The following PPL variants were observed in gnomAD, a reference collection of about 807,000 sequenced individuals.
PPL encodes 190 kDa paraneoplastic pemphigus antigen.
In PPL, 198 loss-of-function variants were observed where a neutral mutation model predicts 194.4. The observed-to-expected ratio is 1.02, with a 90% CI of 0.91 to 1.15. The LOEUF (loss-of-function observed/expected upper bound fraction) is 1.15. PPL is among the 50% of genes most tolerant of loss of function. The pLI is 0.00. For missense variants in PPL, 2,885 were observed against 2,294.8 expected (o/e 1.26, Z -5.25); for synonymous variants, 1,220 against 972.4 (o/e 1.25, Z -4.74).
At chr16:4,893,066 G>A in intron 14 of PPL, 147 bp downstream of exon 14, 1 of 1,071,392 alleles carries the variant, frequency 9.3e-7, no homozygotes, top group Non-Finnish European at 1.3e-6. Flanking sequence ...CCATGACTTG[G>A]GACCCTTTTA....
intron 6 of PPL, 144 bp from the exon 7 acceptor site, chr16:4,899,528 C>CCCAGCTTAT (rs1192779848): frequency 3.2e-3 from 35 of 10,868 alleles, no homozygotes; most frequent in Non-Finnish European, 9.2e-3. Context: ...CCCAGCTTAG[C>CCCAGCTTAT]CACGTCCAGG....
chr16:4,894,200 G>A lies in PPL; in HGVS notation c.1394+267C>T, dbSNP rs1386047135. ...GGTCTGCAAGTACAGGGAGCAGTGC[G>A]TGCGGGAGTCAGGGGCCCTTAGAAA... On this transcript the variant is annotated intron_variant, in intron 12 of 21. Transcript: ENST00000345988. Among the ~76,000 whole-genome samples the A allele has an allele frequency of 5.3e-5, 8 of 152,322 alleles. No homozygotes were observed. In the East Asian group the frequency reaches 1.2e-3, roughly 22 times the overall value.
intron 1 of PPL, among the ~76,000 whole-genome samples, chr16:4,920,113 G>A (rs574997756): frequency 5.2e-4 from 79 of 151,294 alleles, no homozygotes; most frequent in African/African-American, 1.5e-3. Flanking sequence ...GTGAAACTCC[G>A]TCTCTACTAA....
intron 2 of PPL, 111 bp downstream of exon 2, chr16:4,910,739 C>G: frequency 1.0e-6 from 1 of 960,628 alleles, no homozygotes; most frequent in Non-Finnish European, 1.7e-6. Context: ...CATGTTCCCT[C>G]GGGGCCACAA....
chr16:4,888,998 G>C lies in PPL; in HGVS notation c.2377C>G (p.Gln793Glu). ...EVQKICANSQ[Q>E]YQQAVKDYEL... is the part of the protein sequence containing the mutation. Reference sequence around the variant, plus strand: ...CTCACCTTTACAGCTTGCTGGTACTGCTGGGAATTGGCACAGATCTTCTGT... The same window carrying C: ...CTCACCTTTACAGCTTGCTGGTACTCCTGGGAATTGGCACAGATCTTCTGT... The change falls in exon 19 of 22, where the codon CAG (glutamine) becomes GAG (glutamate). Residue 793 changes from glutamine to glutamate, a missense_variant. By Grantham distance (29) the Gln-to-Glu change is conservative (BLOSUM62 2). Transcript: ENST00000345988. 1.2e-6 allele frequency: 2 copies of C among 1,613,462 alleles called. No homozygotes were observed. The highest frequency in any genetic ancestry group is 2.2e-5 in the South Asian group (2 of 91,046).
At position 4,899,246 on chromosome 16, in the gene PPL, G is replaced by C. The variant is rs201966791; in HGVS notation, c.745C>G (p.Pro249Ala). 11 of 1,613,810 alleles carry C rather than the reference G, an allele frequency of 6.8e-6. No homozygotes were observed. The highest frequency in any genetic ancestry group is 1.3e-5 in the African/African-American group (1 of 74,932). The change falls in exon 7 of 22, where the codon CCC (proline) becomes GCC (alanine). Residue 249 changes from proline to alanine, a missense_variant. By Grantham distance (27) the Pro-to-Ala change is conservative. Transcript: ENST00000345988. The stretch of plus-strand genomic sequence containing the variant: ...ACCTCATACTGGCGCCGGCGGCTGG[G>C]GTAGTCGAGGTTGCGGTCACTCCAG... ...YDWSDRNLDY[P>A]SRRRQYENFI...
intron 12 of PPL, among the ~76,000 whole-genome samples, chr16:4,894,255 C>G (rs77997837): frequency 6.6e-6 from 1 of 152,052 alleles, no homozygotes; most frequent in African/African-American, 2.4e-5. Flanking sequence ...GGGGCCAGGA[C>G]GAAGCCCAGA....
chr16:4,936,163 A>G (rs565190709), intron 1 of PPL, among the ~76,000 whole-genome samples: 21 of 152,146 alleles, frequency 1.4e-4, no homozygotes, highest in African/African-American at 5.1e-4. Context: ...TTCCCCTCCC[A>G]GGCCGCCCTG....
At position 4,917,503 on chromosome 16, in the gene PPL, G is replaced by A. The variant is rs1000210729; in HGVS notation, c.63-6554C>T. ...AGTGGTTGCCATGGCCCAGGAGGAT[G>A]TAAAATGGACAGTGATTGCTAAGGG... is the stretch of plus-strand genomic sequence containing the variant. On this transcript the variant is annotated intron_variant, in intron 1 of 21. Transcript: ENST00000345988. Among the ~76,000 whole-genome samples, 10 of 152,176 alleles carry A rather than the reference G, an allele frequency of 6.6e-5. No individual in the cohort carries two copies. The South Asian group carries it at 2.1e-3, about 31-fold the overall frequency.
At position 4,885,047 on chromosome 16, in the gene PPL, C is replaced by T. The variant is rs200840629; in HGVS notation, c.3608G>A (p.Arg1203Gln). ...GCTCCGGAGCTGCTCCTCGGCACCCCGGTACTTTCGCTCCTGCTCCACAAG... is the reference window on the plus strand; with the variant it reads ...GCTCCGGAGCTGCTCCTCGGCACCCTGGTACTTTCGCTCCTGCTCCACAAG... ...LELVEQERKY[R>Q]GAEEQLRSYQ... The change falls in exon 22 of 22, where the codon CGG becomes CAG. Residue 1203 changes from arginine to glutamine, a missense_variant. Transcript: ENST00000345988. This position sits in a 1 kb window ranked among gnomAD's most constrained non-coding sequence, Gnocchi z 6.3. 4.0e-5 allele frequency: 64 copies of T among 1,613,504 alleles called. No homozygotes were observed. The East Asian group carries it at 5.1e-4, about 13-fold the overall frequency.
chr16:4,887,130 G>A lies in PPL; in HGVS notation c.2607+5C>T, dbSNP rs1322899067. The A allele has an allele frequency of 6.2e-7, 1 of 1,604,882 alleles. No homozygotes were observed. The highest frequency in any genetic ancestry group is 1.3e-5 in the African/African-American group (1 of 74,714). The stretch of plus-strand genomic sequence containing the variant: ...GAAGTAGAATTTCTTACTAAGATCA[G>A]TTACCTGTCTGAGGAGATTCAGAGC... On this transcript the variant is annotated splice_donor_5th_base_variant and intron_variant, in intron 21 of 21. Transcript: ENST00000345988.
At chr16:4,904,907 G>A (rs1338018656) in intron 2 of PPL, among the ~76,000 whole-genome samples, 2 of 152,190 alleles carry the variant, frequency 1.3e-5, no homozygotes, top group African/African-American at 2.4e-5. Flanking sequence ...AGGGGCCGTC[G>A]ATGGTTGCTG....
intron 1 of PPL, among the ~76,000 whole-genome samples, chr16:4,928,361 G>A (rs2089185892): frequency 6.6e-6 from 1 of 152,224 alleles, no homozygotes; most frequent in Non-Finnish European, 1.5e-5. Context: ...GGGCCACTGT[G>A]CCCGGCCATC....
rs760425384 is a variant in PPL at position 4,890,315 on chromosome 16, C to T, written c.2182G>A (p.Ala728Thr). 74 of 1,613,660 alleles carry T rather than the reference C, an allele frequency of 4.6e-5. No homozygotes were observed. The highest frequency in any genetic ancestry group is 5.5e-5 in the Non-Finnish European group (65 of 1,179,872). The change falls in exon 18 of 22, where the codon GCC becomes ACC. Residue 728 changes from alanine to threonine, a missense_variant. Physicochemically the swap from Ala to Thr is moderately conservative, Grantham distance 58 (BLOSUM62 0). Coordinates refer to ENST00000345988, the MANE Select transcript of PPL (RefSeq NM_002705.5). ...VERRAQSLQS[A>T]KAAYEHFHRG... ...TGGAAGTGCTCGTAGGCTGCCTTGGCGCTCTGTAGGCTCTGCGCCCTGTCA... is the reference window on the plus strand; with the variant it reads ...TGGAAGTGCTCGTAGGCTGCCTTGGTGCTCTGTAGGCTCTGCGCCCTGTCA...
intron 13 of PPL, 79 bp from the exon 14 acceptor site, chr16:4,893,449 G>GC (rs1264231924): frequency 3.8e-6 from 6 of 1,586,024 alleles, no homozygotes; most frequent in South Asian, 3.4e-5. Context: ...TAGGCAGCCA[G>GC]CCCCCCGCCG....
chr16:4,885,688 C>G lies in PPL; in HGVS notation c.2967G>C (p.Gly989=), dbSNP rs751063333. ...RALEQETRDG[G]QEYVVKEVLR... Reference sequence around the variant, plus strand: ...GGACCTCCTTGACCACGTACTCCTGCCCCCCGTCTCTGGTCTCCTGCTCCA... The same window carrying G: ...GGACCTCCTTGACCACGTACTCCTGGCCCCCGTCTCTGGTCTCCTGCTCCA... The change falls in exon 22 of 22, where the codon GGG becomes GGC. Residue 989 remains glycine (G), a synonymous_variant. Transcript: ENST00000345988. The surrounding 1 kb of genome is among the most constrained non-coding windows in gnomAD (Gnocchi z 6.3). 6 of 1,613,442 alleles carry G rather than the reference C, an allele frequency of 3.7e-6. No homozygotes were observed. Among genetic ancestry groups the G allele is most frequent in the Non-Finnish European group, 5.1e-6 (6 of 1,179,964 alleles).
At position 4,894,517 on chromosome 16, in the gene PPL, C is replaced by G. The variant is rs1876363; in HGVS notation, c.1344G>C (p.Val448=). The G allele has an allele frequency of 0.98, 1,574,914 of 1,613,792 alleles. 775,529 individuals are homozygous for G. Among genetic ancestry groups the G allele is most frequent in the East Asian group, 1 (44,856 of 44,856 alleles). The change falls in exon 12 of 22, where the codon GTG becomes GTC. Residue 448 remains valine, a synonymous_variant. Coordinates refer to ENST00000345988, the MANE Select transcript of PPL (RefSeq NM_002705.5). ...GGTCTGTGGGGGGGATCACAAAACA[C>G]ACGGCCGGAGCAATCAGCTTGTTCC... ...SAGNKLIAPA[V]CFVIPPTDPE... is the part of the protein sequence containing the mutation.
At chr16:4,922,660 TCAAAA>T (rs371322128) in intron 1 of PPL, among the ~76,000 whole-genome samples, 2 of 151,656 alleles carry the variant, frequency 1.3e-5, no homozygotes, top group African/African-American at 4.8e-5. Flanking sequence ...AGACTCCATC[TCAAAA>T]CAAAACAAAA....
rs61744956 is a variant in PPL, at chr16:4,885,849, C to T, written c.2806G>A (p.Glu936Lys). The change falls in exon 22 of 22, where the codon GAG (glutamate) becomes AAG (lysine). Residue 936 changes from glutamate to lysine, a missense_variant. Physicochemically the swap from Glu to Lys is moderately conservative, Grantham distance 56. Coordinates refer to ENST00000345988, the MANE Select transcript of PPL (RefSeq NM_002705.5). This position sits in a 1 kb window ranked among gnomAD's most constrained non-coding sequence, Gnocchi z 6.3. ...GGATCCGGCACCTTCTTGAGCACCT[C>T]CTTCCTCACCACCGATTCCTGAGGC... ...QGPQESVVRK[E>K]VLKKVPDPVL... The T allele has an allele frequency of 1.9e-6, 3 of 1,607,882 alleles. No individual in the cohort carries two copies. Among genetic ancestry groups the T allele is most frequent in the South Asian group, 1.1e-5 (1 of 91,084 alleles).
Sources: allele counts gnomAD v4.1 joint callset (sites outside exome capture counted in the v4.1 genomes callset), GRCh38; gene constraint gnomAD v4.1.1; non-coding constraint Gnocchi (gnomAD v3.1); transcripts MANE v1.5; gene names NCBI Gene and HGNC (gene_info 2026-07-23, HGNC 2026-07-21).